MECOM: variants seen among roughly 807,000 people sequenced by gnomAD.
The protein encoded by MECOM is histone-lysine N-methyltransferase MECOM.
MECOM carries 13 observed loss-of-function variants against 116.3 expected under a neutral mutation model. The observed-to-expected ratio is 0.11, with a 90% confidence interval of 0.07 to 0.18. MECOM has a LOEUF of 0.18. MECOM is among the 10% of genes least tolerant of loss of function. MECOM has a pLI of 1.00. For synonymous variants in MECOM, 528 were observed against 535.2 expected, an observed-to-expected ratio of 0.99 and a Z score of 0.19; for missense variants, 1,299 against 1,509.0, an observed-to-expected ratio of 0.86 and a Z score of 2.31.
intron 2 of MECOM, among the ~76,000 whole-genome samples, chr3:169,310,639 T>A (rs1366350795): frequency 6.6e-6 from 1 of 152,236 alleles, no homozygotes; most frequent in Non-Finnish European, 1.5e-5. Context: ...TATTTGGCTC[T>A]TCTGTATTTG....
intron 1 of MECOM, among the ~76,000 whole-genome samples, chr3:169,455,689 T>C (rs1402949196): frequency 6.6e-6 from 1 of 152,188 alleles, no homozygotes; most frequent in Non-Finnish European, 1.5e-5. Flanking sequence ...AAGCCATGCA[T>C]GGAGCAAATA....
At chr3:169,200,868 C>A (rs1749055326) in intron 2 of MECOM, among the ~76,000 whole-genome samples, 1 of 152,016 alleles carries the variant, frequency 6.6e-6, no homozygotes, top group Non-Finnish European at 1.5e-5. Context: ...TTGTTGCTGA[C>A]CATCATTCAA....
intron 2 of MECOM, among the ~76,000 whole-genome samples, chr3:169,205,223 A>T (rs775475693): frequency 6.6e-6 from 1 of 152,162 alleles, no homozygotes; most frequent in African/African-American, 2.4e-5. Flanking sequence ...CCTCAAAAAC[A>T]GGGTTTATAA....
rs148174285 is a variant in MECOM, at chr3:169,207,977, C to T, written c.376-64145G>A. On this transcript the variant is annotated intron_variant, in intron 2 of 16. Transcript: ENST00000651503. The stretch of plus-strand genomic sequence containing the variant: ...CTTGAGCCTGTATAACAAGTCAGCA[C>T]TGTTCTGAAAACTTAACTTATGTTA... Among the ~76,000 whole-genome samples the T allele has an allele frequency of 5.7e-3, 863 of 152,242 alleles. 6 individuals carry two copies. The highest frequency in any genetic ancestry group is 0.041 in the Middle Eastern group (12 of 294).
intron 4 of MECOM, 36 bp from the exon 5 acceptor site, chr3:169,128,096 C>A: frequency 1.3e-6 from 2 of 1,594,260 alleles, no homozygotes; most frequent in South Asian, 1.1e-5. Flanking sequence ...ATTGGGTGGT[C>A]AGGAATTGCC....
intron 1 of MECOM, among the ~76,000 whole-genome samples, chr3:169,461,454 T>C (rs1747425920): frequency 6.6e-6 from 1 of 152,192 alleles, no homozygotes; most frequent in African/African-American, 2.4e-5. Flanking sequence ...AAGACATCTG[T>C]GCCTCCGCTT....
intron 1 of MECOM, among the ~76,000 whole-genome samples, chr3:169,654,184 TCAG>T (rs1455646067): frequency 6.6e-6 from 1 of 152,218 alleles, no homozygotes; most frequent in Non-Finnish European, 1.5e-5. Context: ...CAAATCTTTA[TCAG>T]GAGAGTCCAT....
intron 1 of MECOM, among the ~76,000 whole-genome samples, chr3:169,606,976 C>T (rs1402116902): frequency 1.3e-5 from 2 of 152,066 alleles, no homozygotes; most frequent in East Asian, 1.9e-4. Flanking sequence ...TAGCTCAAGT[C>T]GTAGTGTTAT....
At chr3:169,521,945 A>G (rs1446554157) in intron 1 of MECOM, among the ~76,000 whole-genome samples, 3 of 152,244 alleles carry the variant, frequency 2.0e-5, no homozygotes, top group African/African-American at 7.2e-5. Context: ...ATTAGGTAAT[A>G]TAAGTAATCT....
intron 1 of MECOM, among the ~76,000 whole-genome samples, chr3:169,660,699 A>C (rs758843074): frequency 6.6e-6 from 1 of 152,242 alleles, no homozygotes; most frequent in Non-Finnish European, 1.5e-5. Flanking sequence ...AAACTGGTGC[A>C]GAGCAGTGAA....
chr3:169,615,714 T>G (rs1175074390), intron 1 of MECOM, among the ~76,000 whole-genome samples: 2 of 152,242 alleles, frequency 1.3e-5, no homozygotes, highest in Non-Finnish European at 2.9e-5. Flanking sequence ...ATTATTGGTT[T>G]TCATTTTGTT....
intron 2 of MECOM, among the ~76,000 whole-genome samples, chr3:169,356,434 G>T (rs1025251462): frequency 2.0e-5 from 3 of 151,856 alleles, no homozygotes; most frequent in Admixed American, 2.0e-4. Context: ...CAAAATCAAC[G>T]TAGTGTAACT....
At chr3:169,275,110 A>ATG (rs147107320) in intron 2 of MECOM, among the ~76,000 whole-genome samples, 48 of 151,750 alleles carry the variant, frequency 3.2e-4, no homozygotes, top group Admixed American at 2.8e-3. Context: ...AAAGGCACAA[A>ATG]TGTGTGTGTG....
At position 169,146,000 on chromosome 3, in the gene MECOM, A is replaced by T. The variant is rs1577165907; in HGVS notation, c.376-2168T>A. 3.6e-5 allele frequency: 8 copies of T among 222,242 alleles called. No individual in the cohort carries two copies. The East Asian group carries it at 5.5e-4, about 15-fold the overall frequency. 13.8% of individuals were successfully genotyped at this position (222,242 alleles called of 1,614,324 possible). On this transcript the variant is annotated intron_variant, in intron 2 of 16. Coordinates refer to ENST00000651503, the MANE Select transcript of MECOM (RefSeq NM_004991.4). ...CCCCTGGGTGAATTATTCACTTTTG[A>T]TTTGCTAGCAGAACTGCATTTGTCT...
intron 2 of MECOM, among the ~76,000 whole-genome samples, chr3:169,165,714 C>T (rs1167159446): frequency 1.3e-5 from 2 of 152,090 alleles, no homozygotes; most frequent in Non-Finnish European, 2.9e-5. Context: ...CCTTTAAGTA[C>T]TTTAAGGAAA....
intron 1 of MECOM, among the ~76,000 whole-genome samples, chr3:169,403,369 A>C (rs1736182720): frequency 1.3e-5 from 2 of 152,258 alleles, no homozygotes; most frequent in Admixed American, 6.5e-5. Flanking sequence ...ATTATTTATG[A>C]TTATTGTAAT....
chr3:169,444,979 T>A (rs551592810), intron 1 of MECOM, among the ~76,000 whole-genome samples: 79 of 152,136 alleles, frequency 5.2e-4, no homozygotes, highest in Non-Finnish European at 1.0e-3. Context: ...TTGAGAGAGA[T>A]GATTTAGGGT....
intron 1 of MECOM, among the ~76,000 whole-genome samples, chr3:169,648,186 G>A (rs1376406366): frequency 6.6e-6 from 1 of 152,222 alleles, no homozygotes; most frequent in Non-Finnish European, 1.5e-5. Context: ...CCAATGCCAA[G>A]GATTCACTTG....
intron 2 of MECOM, among the ~76,000 whole-genome samples, chr3:169,373,383 T>G (rs546871727): frequency 2.0e-5 from 3 of 152,136 alleles, no homozygotes; most frequent in African/African-American, 7.2e-5. Flanking sequence ...TTTTCCAAAG[T>G]ACCTTACTTG....
Sources: allele counts gnomAD v4.1 joint callset (sites outside exome capture counted in the v4.1 genomes callset), GRCh38; gene constraint gnomAD v4.1.1; transcripts MANE v1.5; gene names NCBI Gene and HGNC (gene_info 2026-07-23, HGNC 2026-07-21).